TEK: variants seen among roughly 807,000 people sequenced by gnomAD.
The protein encoded by TEK is angiopoietin-1 receptor.
In TEK, 43 loss-of-function variants were observed where a neutral mutation model predicts 131.8. The ratio of observed to expected loss-of-function variants is 0.33; its 90% CI spans 0.26 to 0.42. The LOEUF is 0.42. TEK is among the 10% of genes least tolerant of loss of function. The pLI, the probability that TEK is intolerant of heterozygous loss-of-function variation, is 1.00. For synonymous variants in TEK, 580 were observed against 491.6 expected (o/e 1.18, Z -2.38); for missense variants, 1,162 against 1,384.4 (o/e 0.84, Z 2.55).
intron 22 of TEK, among the ~76,000 whole-genome samples, chr9:27,228,514 A>C (rs893390477): frequency 1.3e-5 from 2 of 152,184 alleles, no homozygotes; most frequent in Non-Finnish European, 2.9e-5. Context: ...ACAGTCACGT[A>C]CACACTAGAA....
At chr9:27,193,866 G>A (rs535819930) in intron 11 of TEK, among the ~76,000 whole-genome samples, 4 of 152,256 alleles carry the variant, frequency 2.6e-5, no homozygotes, top group Middle Eastern at 3.4e-3. Context: ...GAGTGCAGTG[G>A]TTTGATCAAC....
At chr9:27,143,905 G>T (rs1418687472) in intron 1 of TEK, among the ~76,000 whole-genome samples, 1 of 152,202 alleles carries the variant, frequency 6.6e-6, no homozygotes, top group Non-Finnish European at 1.5e-5. Flanking sequence ...AGTCTTGAAG[G>T]CTGAGCAGGA....
intron 20 of TEK, among the ~76,000 whole-genome samples, 181 bp from the exon 21 acceptor site, chr9:27,219,868 T>C (rs1825991033): frequency 6.6e-6 from 1 of 152,200 alleles, no homozygotes; most frequent in Non-Finnish European, 1.5e-5. Context: ...TGCTTTGGCA[T>C]AGTCTATAGT....
intron 10 of TEK, among the ~76,000 whole-genome samples, chr9:27,191,389 T>C (rs1586992934): frequency 1.3e-5 from 2 of 152,198 alleles, no homozygotes; most frequent in South Asian, 4.1e-4. Context: ...TGTTGTATGA[T>C]AATGTAAAAT....
chr9:27,146,816 G>A (rs1442729541), intron 1 of TEK, among the ~76,000 whole-genome samples: 3 of 144,222 alleles, frequency 2.1e-5, no homozygotes, highest in South Asian at 2.2e-4. Flanking sequence ...TGCAAGCTCC[G>A]CCTCCCGGGT....
chr9:27,218,531 C>T (rs1407919188), intron 19 of TEK, among the ~76,000 whole-genome samples: 2 of 152,050 alleles, frequency 1.3e-5, no homozygotes, highest in Admixed American at 1.3e-4. Context: ...TTGGACAGTA[C>T]CACCTTGTAG....
chr9:27,194,159 A>G (rs1824924365), intron 11 of TEK, among the ~76,000 whole-genome samples: 1 of 152,114 alleles, frequency 6.6e-6, no homozygotes, highest in Non-Finnish European at 1.5e-5. Context: ...TAGAATCCCA[A>G]AGGCACCAGC....
At chr9:27,142,012 T>A (rs1822743712) in intron 1 of TEK, among the ~76,000 whole-genome samples, 1 of 152,144 alleles carries the variant, frequency 6.6e-6, no homozygotes, top group Non-Finnish European at 1.5e-5. Flanking sequence ...TAAACATATG[T>A]AGAGAAGGGC....
intron 1 of TEK, among the ~76,000 whole-genome samples, chr9:27,152,363 G>A (rs912647519): frequency 1.3e-5 from 2 of 151,668 alleles, no homozygotes; most frequent in Non-Finnish European, 2.9e-5. Context: ...AGGGAACTGG[G>A]TAAATCAGGA....
intron 6 of TEK, among the ~76,000 whole-genome samples, chr9:27,173,653 A>C (rs1399877104): frequency 1.3e-5 from 2 of 150,580 alleles, no homozygotes; most frequent in African/African-American, 4.9e-5. Context: ...CATTTCTAAC[A>C]GGCTCCCAAG....
intron 1 of TEK, 140 bp downstream of exon 1, chr9:27,109,782 A>G: frequency 1.2e-6 from 1 of 812,026 alleles, no homozygotes; most frequent in Admixed American, 2.1e-5. Flanking sequence ...GTGAGTCTCC[A>G]GTCAATATGT....
chr9:27,215,913 A>G (rs1266329806), intron 18 of TEK, among the ~76,000 whole-genome samples: 6 of 152,218 alleles, frequency 3.9e-5, no homozygotes, highest in Non-Finnish European at 7.3e-5. Flanking sequence ...CCTGAGTTTC[A>G]TAGTAAATGT....
At position 27,225,270 on chromosome 9, in the gene TEK, C is replaced by A. The variant is rs184639946; in HGVS notation, c.3201-2936C>A. On this transcript the variant is annotated intron_variant, in intron 21 of 22. Transcript: ENST00000380036. ...ATTTCATATGGAACCAAAAAAGAGC[C>A]TGCATAGCCAAGACAATCCTAAGCA... Among the ~76,000 whole-genome samples the A allele has an allele frequency of 6.7e-4, 102 of 152,262 alleles. 4 individuals carry two copies. In the East Asian group the frequency reaches 0.017, roughly 26 times the overall value.
chr9:27,216,259 A>G (rs963410465), intron 18 of TEK, among the ~76,000 whole-genome samples: 1 of 152,156 alleles, frequency 6.6e-6, no homozygotes, highest in Non-Finnish European at 1.5e-5. Flanking sequence ...ACAATTAGGG[A>G]GGGAGATCAG....
chr9:27,192,397 T>C (rs1200818809), intron 10 of TEK, 92 bp from the exon 11 acceptor site: 1 of 1,512,146 alleles, frequency 6.6e-7, no homozygotes, highest in Non-Finnish European at 9.2e-7. Context: ...TTTGAAAACC[T>C]AAAATTAGTT....
chr9:27,228,524 A>G (rs947544235), intron 22 of TEK, among the ~76,000 whole-genome samples: 2 of 152,180 alleles, frequency 1.3e-5, no homozygotes, highest in African/African-American at 2.4e-5. Context: ...ACACACTAGA[A>G]TAACATACAG....
intron 20 of TEK, among the ~76,000 whole-genome samples, chr9:27,219,410 T>C (rs1220290943): frequency 1.3e-5 from 2 of 152,110 alleles, no homozygotes; most frequent in Admixed American, 6.5e-5. Flanking sequence ...CACCACATGT[T>C]GTCACTCATA....
intron 21 of TEK, among the ~76,000 whole-genome samples, chr9:27,221,881 C>T (rs184787909): frequency 2.9e-4 from 44 of 152,172 alleles, no homozygotes; most frequent in African/African-American, 6.7e-4. Flanking sequence ...CAAAATTGGA[C>T]GAATGAGTTT....
intron 11 of TEK, 119 bp from the exon 12 acceptor site, chr9:27,197,196 C>G: frequency 9.1e-7 from 1 of 1,095,716 alleles, no homozygotes; most frequent in Non-Finnish European, 1.3e-6. Context: ...CCAATCACCT[C>G]CCACCAGGCC....
Sources: allele counts gnomAD v4.1 joint callset (sites outside exome capture counted in the v4.1 genomes callset), GRCh38; gene constraint gnomAD v4.1.1; transcripts MANE v1.5; gene names NCBI Gene and HGNC (gene_info 2026-07-23, HGNC 2026-07-21).